Variants in ENPEP observed in about 807,000 individuals in gnomAD.
The protein encoded by ENPEP is AP-A.
In ENPEP, 103 loss-of-function variants were observed where a neutral mutation model predicts 114.5. That is an observed-to-expected ratio of 0.90 (90% CI 0.77 to 1.06). The LOEUF is 1.06. Ranked by LOEUF, ENPEP falls within the 50% of genes least tolerant of loss-of-function variation. ENPEP has a pLI of 0.00. For missense variants in ENPEP, 1,196 were observed against 1,161.3 expected, an observed-to-expected ratio of 1.03 and a Z score of -0.43; for synonymous variants, 420 against 422.0, an observed-to-expected ratio of 1.00 and a Z score of 0.06.
At chr4:110,548,133 CTG>C (rs757554715) in intron 13 of ENPEP, 41 bp from the exon 14 acceptor site, 40 of 1,330,516 alleles carry the variant, frequency 3.0e-5, no homozygotes, top group South Asian at 7.8e-5. Context: ...TTTTAATTAA[CTG>C]TGAGTTTTTT....
At chr4:110,531,104 A>AAT in intron 10 of ENPEP, 94 bp from the exon 11 acceptor site, 1 of 754,834 alleles carries the variant, frequency 1.3e-6, no homozygotes, top group South Asian at 2.7e-5. Context: ...TTAAAAGAAA[A>AAT]ATATACTTGT....
intron 1 of ENPEP, among the ~76,000 whole-genome samples, chr4:110,484,688 A>G (rs1324441634): frequency 6.7e-6 from 1 of 149,834 alleles, no homozygotes; most frequent in Non-Finnish European, 1.5e-5. Context: ...AAGGTGAGAA[A>G]AGGATTGAAA....
rs1727219748 is a variant in ENPEP, at chr4:110,549,794, T to A, written c.2409T>A (p.Thr803=). ...NSGNEISWNY[T]LEQYQKTSLA... The stretch of plus-strand genomic sequence containing the variant: ...GCAATGAGATTTCATGGAACTACAC[T>A]CTTGAGCAATACCAGAAAACTTCAT... The change falls in exon 17 of 20, where the codon ACT becomes ACA. Residue 803 remains threonine (T), a synonymous_variant. Transcript: ENST00000265162. 1.2e-6 allele frequency: 2 copies of A among 1,613,312 alleles called. No individual in the cohort carries two copies. The highest frequency in any genetic ancestry group is 2.7e-5 in the African/African-American group (2 of 74,868).
In ENPEP at chr4:110,564,293, C is replaced by A. The variant is rs1273444938; in HGVS notation, c.*2735C>A. 1 of 152,118 alleles carries A rather than the reference C, an allele frequency of 6.6e-6. No homozygotes were observed. The highest frequency in any genetic ancestry group is 1.9e-4 in the East Asian group (1 of 5,178). 9.4% of individuals were successfully genotyped at this position (152,118 alleles called of 1,614,324 possible). On this transcript the variant is annotated 3_prime_UTR_variant, in exon 20 of 20. Transcript: ENST00000265162. ...CAGTATTTGAACCCAGGCAGTTTAT[C>A]ACTCTAATCTACATTTTAATCTGTA...
At position 110,560,515 on chromosome 4, in the gene ENPEP, A is replaced by AT. The variant is rs58571405; in HGVS notation, c.2721+798dup. On this transcript the variant is annotated intron_variant, in intron 19 of 19. Transcript: ENST00000265162. ...CTTGTATCTAATAAAATGTACACCT[A>AT]TTTTTTTTCTAAACATAAAACAATT... is the stretch of plus-strand genomic sequence containing the variant. 7.8e-4 allele frequency among the ~76,000 whole-genome samples: 119 copies of AT among 152,082 alleles called. 1 individual carries two copies. The highest frequency in any genetic ancestry group is 2.7e-3 in the African/African-American group (112 of 41,468).
intron 11 of ENPEP, among the ~76,000 whole-genome samples, chr4:110,535,257 C>T (rs548293845): frequency 2.7e-4 from 41 of 152,306 alleles, no homozygotes; most frequent in African/African-American, 9.4e-4. Context: ...GCAACTCTTA[C>T]TTCCAGATTT....
intron 1 of ENPEP, among the ~76,000 whole-genome samples, chr4:110,485,910 C>A (rs1012381324): frequency 2.0e-5 from 3 of 151,828 alleles, no homozygotes; most frequent in Non-Finnish European, 2.9e-5. Flanking sequence ...CTGGTTTGAA[C>A]TATTATTACT....
chr4:110,517,192 G>A (rs1725811861), intron 8 of ENPEP, among the ~76,000 whole-genome samples: 2 of 151,896 alleles, frequency 1.3e-5, no homozygotes, highest in Admixed American at 6.6e-5. Flanking sequence ...CGCCCGCCTC[G>A]GCCTCCCAAA....
At chr4:110,518,628 A>C (rs1358140175) in intron 8 of ENPEP, among the ~76,000 whole-genome samples, 1 of 152,238 alleles carries the variant, frequency 6.6e-6, no homozygotes, top group Non-Finnish European at 1.5e-5. Context: ...TTTTAAAAGC[A>C]GTAACAACAA....
chr4:110,511,074 T>C (rs1725555946), intron 6 of ENPEP, among the ~76,000 whole-genome samples: 1 of 152,210 alleles, frequency 6.6e-6, no homozygotes, highest in South Asian at 2.1e-4. Flanking sequence ...GTATTCTTGA[T>C]TGCATATATG....
At position 110,552,668 on chromosome 4, in the gene ENPEP, T is replaced by C. The variant is rs1011654983; in HGVS notation, c.2502-647T>C. The stretch of plus-strand genomic sequence containing the variant: ...TGCTGACCTTTTTTGGAAACACTTT[T>C]TCAATACAATATACACTTGTAAGAT... On this transcript the variant is annotated intron_variant, in intron 17 of 19. Coordinates refer to ENST00000265162, the MANE Select transcript of ENPEP (RefSeq NM_001977.4). Among the ~76,000 whole-genome samples, 19 of 152,254 alleles carry C rather than the reference T, an allele frequency of 1.2e-4. 1 individual carries two copies. The highest frequency in any genetic ancestry group is 6.2e-4 in the South Asian group (3 of 4,826).
At chr4:110,517,379 T>C (rs1725820254) in intron 8 of ENPEP, among the ~76,000 whole-genome samples, 1 of 152,216 alleles carries the variant, frequency 6.6e-6, no homozygotes, top group Admixed American at 6.5e-5. Context: ...TAATAAATTA[T>C]ACAGGACATA....
chr4:110,553,541 G>C, intron 18 of ENPEP, 86 bp downstream of exon 18: 1 of 1,330,832 alleles, frequency 7.5e-7, no homozygotes, highest in Non-Finnish European at 1.0e-6. Context: ...CACTGTCTCT[G>C]ACATCTATAC....
intron 3 of ENPEP, among the ~76,000 whole-genome samples, chr4:110,494,150 T>C (rs976363020): frequency 2.0e-5 from 3 of 152,244 alleles, no homozygotes; most frequent in African/African-American, 7.2e-5. Context: ...TTTTAGAACG[T>C]GATTTCCAAA....
intron 19 of ENPEP, among the ~76,000 whole-genome samples, chr4:110,559,982 C>T (rs1471745584): frequency 6.6e-6 from 1 of 152,096 alleles, no homozygotes. Flanking sequence ...TGTGATGTTC[C>T]CCTCCCTGTG....
rs781046634 is a variant in ENPEP at position 110,543,049 on chromosome 4, A to T, written c.1979A>T (p.Asp660Val). Residue 660 changes from aspartate (D) to valine (V), a missense_variant, in exon 13 of 20, where the codon GAT becomes GTT. Physicochemically the swap from Asp to Val is radical, Grantham distance 152 (BLOSUM62 -3). Coordinates refer to ENST00000265162, the MANE Select transcript of ENPEP (RefSeq NM_001977.4). Reference protein sequence around the residue: ...FSSADRASLIDDAFALARAQL... With the variant: ...FSSADRASLIVDAFALARAQL... Reference sequence around the variant, plus strand: ...TCAGCAGATCGTGCAAGTCTTATTGATGATGCTTTTGCCTTGGCAAGGTGC... The same window carrying T: ...TCAGCAGATCGTGCAAGTCTTATTGTTGATGCTTTTGCCTTGGCAAGGTGC... 1 of 1,613,014 alleles carries T rather than the reference A, an allele frequency of 6.2e-7. No homozygotes were observed. Among genetic ancestry groups the T allele is most frequent in the Non-Finnish European group, 8.5e-7 (1 of 1,179,326 alleles).
intron 10 of ENPEP, among the ~76,000 whole-genome samples, chr4:110,527,524 A>G (rs1726242754): frequency 6.6e-6 from 1 of 152,160 alleles, no homozygotes; most frequent in Non-Finnish European, 1.5e-5. Context: ...TTAGATGATG[A>G]TGGAGAAAAC....
intron 5 of ENPEP, 80 bp downstream of exon 5, chr4:110,509,887 T>G (rs1725512555): frequency 6.7e-7 from 1 of 1,489,450 alleles, no homozygotes; most frequent in African/African-American, 1.4e-5. Context: ...TATTTATGAC[T>G]TAGCAAATAA....
chr4:110,546,471 C>T (rs1727062858), intron 13 of ENPEP, among the ~76,000 whole-genome samples: 1 of 151,838 alleles, frequency 6.6e-6, no homozygotes, highest in African/African-American at 2.4e-5. Flanking sequence ...GACAAGGCTG[C>T]GTGGGGGCAG....
Sources: gnomAD v4.1 joint callset for allele counts (sites outside exome capture counted in the v4.1 genomes callset) on GRCh38, gnomAD v4.1.1 for gene constraint, MANE v1.5 for transcripts, NCBI Gene and HGNC (gene_info 2026-07-23, HGNC 2026-07-21) for gene names.